Variants in RHOF observed in about 807,000 individuals in gnomAD.
RHOF encodes ras homolog family member F, filopodia associated.
In RHOF, 21 loss-of-function variants were observed where a neutral mutation model predicts 22.2. That is an observed-to-expected ratio of 0.95 (90% CI 0.67 to 1.36). The LOEUF is 1.36. RHOF is among the 40% of genes most tolerant of loss of function. The pLI is 0.00. For missense variants in RHOF, 285 were observed against 293.7 expected (o/e 0.97, Z 0.22); for synonymous variants, 135 against 131.2 (o/e 1.03, Z -0.20).
chr12:121,779,391 C>G lies in RHOF; in HGVS notation c.*107G>C. ...TGTTCCAAGAGTCTAGCCGCAGGCC[C>G]CAGACACCATGAGCTGGAGGGTCGG... is the stretch of plus-strand genomic sequence containing the variant. On this transcript the variant is annotated 3_prime_UTR_variant, in exon 5 of 5. Transcript: ENST00000267205. 3.2e-6 allele frequency: 4 copies of G among 1,245,196 alleles called. No individual in the cohort carries two copies. Among genetic ancestry groups the G allele is most frequent in the Non-Finnish European group, 4.5e-6 (4 of 896,680 alleles). 77.1% of individuals were successfully genotyped at this position (1,245,196 alleles called of 1,614,324 possible). A position where few individuals can be genotyped will look rare whatever the true frequency, so the allele number is the denominator to read the frequency against.
chr12:121,781,301 C>T, intron 2 of RHOF, 109 bp from the exon 3 acceptor site: 1 of 920,784 alleles, frequency 1.1e-6, no homozygotes, highest in Non-Finnish European at 1.7e-6. Context: ...GCCTCAATTT[C>T]CTCATCTATA....
Position 121,779,126 on chromosome 12 carries a change from G to A in RHOF, c.*372C>T, listed in dbSNP as rs147476450. The A allele has an allele frequency of 3.7e-3, 759 of 203,964 alleles. 3 individuals carry two copies. The highest frequency in any genetic ancestry group is 0.016 in the African/African-American group (713 of 43,978). 12.6% of individuals were successfully genotyped at this position (203,964 alleles called of 1,614,324 possible). ...GACACAGGAGTGGCAGGCTTGGGGC[G>A]CCCGCGTGGAACAGTGCCAGGTCTA... On this transcript the variant is annotated 3_prime_UTR_variant, in exon 5 of 5. Transcript: ENST00000267205.
At chr12:121,779,743 C>G in intron 4 of RHOF, 81 bp from the exon 5 acceptor site, 1 of 1,463,492 alleles carries the variant, frequency 6.8e-7, no homozygotes, top group Non-Finnish European at 9.4e-7. Flanking sequence ...GGGACTGGCT[C>G]TGAGGACTCT....
intron 2 of RHOF, chr12:121,783,057 T>C (rs1323184868): frequency 6.6e-6 from 1 of 152,248 alleles, no homozygotes; most frequent in Non-Finnish European, 1.5e-5. Context: ...CCGGGGCTCA[T>C]GGCTAATGCA....
At chr12:121,787,514 T>C (rs7308348) in intron 2 of RHOF, among the ~76,000 whole-genome samples, 31,949 of 152,200 alleles carry the variant, frequency 0.21, 3,956 homozygotes, top group African/African-American at 0.34. Flanking sequence ...GCCTCAGTTT[T>C]CTCATCTGTG....
intron 2 of RHOF, among the ~76,000 whole-genome samples, chr12:121,785,827 T>C (rs1470166065): frequency 1.3e-5 from 2 of 152,056 alleles, no homozygotes; most frequent in Non-Finnish European, 2.9e-5. Flanking sequence ...TTAGCCAGGA[T>C]GGTCTCGATC....
rs777583224 is a variant in RHOF, at chr12:121,779,684, C to T, written c.472-22G>A. ...GGCCCTGGGTGGGGGGAGGAGCCAG[C>T]ATTAGGTGAGGGGCCCCTGGAGGTC... On this transcript the variant is annotated intron_variant, in intron 4 of 4. Transcript: ENST00000267205. The T allele has an allele frequency of 5.0e-6, 8 of 1,612,624 alleles. No individual in the cohort carries two copies. In the East Asian group the frequency reaches 1.1e-4, roughly 22 times the overall value.
intron 2 of RHOF, among the ~76,000 whole-genome samples, chr12:121,790,551 G>C (rs1874739511): frequency 6.6e-6 from 1 of 152,214 alleles, no homozygotes; most frequent in South Asian, 2.1e-4. Flanking sequence ...CAAGCACTGG[G>C]ACCTGGGCTC....
At chr12:121,792,776 C>G (rs145668623) in intron 2 of RHOF, among the ~76,000 whole-genome samples, 179 of 152,336 alleles carry the variant, frequency 1.2e-3, no homozygotes, top group African/African-American at 3.8e-3. Context: ...ATCCGAGCAC[C>G]AAGGGACTCA....
rs372966523 is a variant in RHOF at position 121,779,635 on chromosome 12, C to T, written c.499G>A (p.Ala167Thr). 11 of 1,613,998 alleles carry T rather than the reference C, an allele frequency of 6.8e-6. No homozygotes were observed. Among genetic ancestry groups the T allele is most frequent in the East Asian group, 2.2e-5 (1 of 44,896 alleles). Residue 167 changes from alanine (A) to threonine (T), a missense_variant, in exon 5 of 5, where the codon GCT (alanine) becomes ACT (threonine). Physicochemically the swap from Ala to Thr is moderately conservative, Grantham distance 58. Transcript: ENST00000267205. ...GCGGAACATTCCAGGTAGAGAGCAG[C>T]TCGGATCTGTTCGCAGGCGCTCAGG... ...QGLSACEQIR[A>T]ALYLECSAKF... is the part of the protein sequence containing the mutation.
At chr12:121,791,088 G>T (rs925592120) in intron 2 of RHOF, among the ~76,000 whole-genome samples, 1 of 151,628 alleles carries the variant, frequency 6.6e-6, no homozygotes, top group African/African-American at 2.4e-5. Flanking sequence ...TGCCCAGGCT[G>T]GTCTTGAACT....
chr12:121,789,854 C>T (rs560121366), intron 2 of RHOF, among the ~76,000 whole-genome samples: 15 of 152,338 alleles, frequency 9.8e-5, no homozygotes, highest in East Asian at 1.9e-4. Context: ...CACCGCTCCC[C>T]GGGCAACCCC....
At chr12:121,792,918 G>A (rs1475513881) in intron 2 of RHOF, among the ~76,000 whole-genome samples, 1 of 152,250 alleles carries the variant, frequency 6.6e-6, no homozygotes, top group Non-Finnish European at 1.5e-5. Flanking sequence ...TCTCAGCACA[G>A]AGCTGGGAGG....
chr12:121,788,360 G>T (rs1874668488), intron 2 of RHOF, among the ~76,000 whole-genome samples: 2 of 152,072 alleles, frequency 1.3e-5, no homozygotes, highest in South Asian at 4.1e-4. Flanking sequence ...AGGGCCTCTG[G>T]AAAGGGAGAG....
intron 2 of RHOF, among the ~76,000 whole-genome samples, chr12:121,785,361 G>A (rs559997957): frequency 2.2e-4 from 33 of 151,888 alleles, no homozygotes; most frequent in African/African-American, 7.5e-4. Context: ...AAGTGAAACC[G>A]TGGATAAGGT....
chr12:121,790,158 C>T (rs558401985), intron 2 of RHOF, among the ~76,000 whole-genome samples: 21 of 152,358 alleles, frequency 1.4e-4, no homozygotes, highest in South Asian at 6.2e-4. Context: ...GACAGCCACA[C>T]GGGCCTTCCA....
rs757234369 is a variant in RHOF at position 121,780,899 on chromosome 12, G to A, written c.444C>T (p.Ala148=). The change falls in exon 4 of 5, where the codon GCC becomes GCT. Residue 148 remains alanine (A), a synonymous_variant. Coordinates refer to ENST00000267205, the MANE Select transcript of RHOF (RefSeq NM_019034.3). ...DKEQLRKLRA[A]QLEPITYMQG... The stretch of plus-strand genomic sequence containing the variant: ...GCATGTAGGTGATGGGCTCCAGCTG[G>A]GCGGCCCGGAGCTTCCGCAGCTGCT... 1.2e-6 allele frequency: 2 copies of A among 1,613,720 alleles called. No individual in the cohort carries two copies. Among genetic ancestry groups the A allele is most frequent in the Non-Finnish European group, 1.7e-6 (2 of 1,179,924 alleles).
intron 2 of RHOF, 147 bp downstream of exon 2, chr12:121,793,005 A>G (rs1024466872): frequency 3.0e-6 from 2 of 673,132 alleles, no homozygotes; most frequent in Non-Finnish European, 5.0e-6. Context: ...CCCCGCAGCC[A>G]GCGCCCCTGA....
At position 121,792,235 on chromosome 12, in the gene RHOF, G is replaced by A. The variant is rs188292165; in HGVS notation, c.226+917C>T. Among the ~76,000 whole-genome samples the A allele has an allele frequency of 2.5e-3, 386 of 152,344 alleles. 1 individual carries two copies. The highest frequency in any genetic ancestry group is 8.6e-3 in the African/African-American group (359 of 41,588). On this transcript the variant is annotated intron_variant, in intron 2 of 4. Transcript: ENST00000267205. ...TCACACACACAAGGCTTGGCTGGCC[G>A]GAGAGGGCCACCGGATGACGTGGTT... is the stretch of plus-strand genomic sequence containing the variant.
Sources: gnomAD v4.1 joint callset for allele counts (sites outside exome capture counted in the v4.1 genomes callset) on GRCh38, gnomAD v4.1.1 for gene constraint, MANE v1.5 for transcripts, NCBI Gene and HGNC (gene_info 2026-07-23, HGNC 2026-07-21) for gene names.